The following RASEF variants were observed in gnomAD, a reference collection of about 807,000 sequenced individuals.
RASEF encodes RAS and EF-hand domain containing.
A neutral mutation model predicts 90.1 loss-of-function variants in RASEF; 68 were observed. That is an observed-to-expected ratio of 0.75 (90% CI 0.62 to 0.92). RASEF has a LOEUF of 0.92. Among genes scored for constraint, RASEF ranks in the 40% least tolerant of loss-of-function variants. The pLI is 0.00. For missense variants in RASEF, 949 were observed against 937.2 expected (o/e 1.01, Z -0.16); for synonymous variants, 331 against 345.2 (o/e 0.96, Z 0.46).
At chr9:83,136,380 A>G in the RASEF span, among the ~76,000 whole-genome samples, 1 of 152,124 alleles carries the variant, frequency 6.6e-6, no homozygotes, top group East Asian at 1.9e-4. Flanking sequence ...GAACACCTTT[A>G]ATGTAGAAAT....
the RASEF span, among the ~76,000 whole-genome samples, chr9:83,184,188 G>T: frequency 6.6e-6 from 1 of 152,314 alleles, no homozygotes; most frequent in South Asian, 2.1e-4. Context: ...CTAAGGTAGG[G>T]CTTGGGAGGG....
the RASEF span, among the ~76,000 whole-genome samples, chr9:83,071,042 C>T: frequency 6.6e-6 from 1 of 152,178 alleles, no homozygotes; most frequent in African/African-American, 2.4e-5. Context: ...TTTCTCCATA[C>T]ACAATTATGT....
At chr9:82,983,477 G>C (rs934122911) in intron 16 of RASEF, among the ~76,000 whole-genome samples, 1 of 152,042 alleles carries the variant, frequency 6.6e-6, no homozygotes, top group Non-Finnish European at 1.5e-5. Context: ...GTAGCCACTG[G>C]GGATGCTTGT....
chr9:83,175,435 C>A, the RASEF span, among the ~76,000 whole-genome samples: 2 of 152,098 alleles, frequency 1.3e-5, no homozygotes, highest in Non-Finnish European at 2.9e-5. Context: ...TGTTAACCAA[C>A]CTTGCATTCC....
the RASEF span, among the ~76,000 whole-genome samples, chr9:83,212,138 A>C: frequency 1.3e-5 from 2 of 152,350 alleles, no homozygotes; most frequent in Admixed American, 1.3e-4. Flanking sequence ...AATAACAACA[A>C]AATAATAACA....
intron 12 of RASEF, 22 bp downstream of exon 12, chr9:83,000,147 T>C: frequency 1.2e-6 from 2 of 1,606,502 alleles, no homozygotes; most frequent in Non-Finnish European, 1.7e-6. Flanking sequence ...TTTCCCATTA[T>C]CAACCGAAAT....
intron 4 of RASEF, among the ~76,000 whole-genome samples, chr9:83,012,745 C>T (rs1829271167): frequency 6.6e-6 from 1 of 152,182 alleles, no homozygotes; most frequent in African/African-American, 2.4e-5. Context: ...TTTTTGGAAA[C>T]AGCTGAAAAG....
intron 1 of RASEF, among the ~76,000 whole-genome samples, chr9:83,035,371 C>A (rs980765832): frequency 3.3e-5 from 5 of 152,094 alleles, no homozygotes; most frequent in Non-Finnish European, 7.4e-5. Flanking sequence ...CTGTGCTGAC[C>A]CGTTACCATC....
chr9:83,067,386 G>A (rs762896540), upstream of RASEF, among the ~76,000 whole-genome samples: 29 of 152,246 alleles, frequency 1.9e-4, no homozygotes, highest in African/African-American at 2.9e-4. Flanking sequence ...ATGTGTCAGC[G>A]TATATCATAG....
intron 3 of RASEF, among the ~76,000 whole-genome samples, chr9:83,017,322 A>T (rs1829359226): frequency 7.2e-6 from 1 of 138,396 alleles, no homozygotes; most frequent in African/African-American, 2.7e-5. Flanking sequence ...CGTCTCTACT[A>T]AAAAAAAAAA....
intron 1 of RASEF, among the ~76,000 whole-genome samples, chr9:83,044,399 G>A (rs1829892836): frequency 6.6e-6 from 1 of 152,050 alleles, no homozygotes; most frequent in Non-Finnish European, 1.5e-5. Context: ...ATGAAGAGTG[G>A]GATTGTAGGG....
chr9:83,034,507 G>A (rs919603804), intron 1 of RASEF, among the ~76,000 whole-genome samples: 7 of 152,158 alleles, frequency 4.6e-5, no homozygotes, highest in Non-Finnish European at 7.4e-5. Flanking sequence ...ATATTAAAAC[G>A]GAAATTCCCT....
At chr9:83,016,248 C>T (rs1163313678) in intron 3 of RASEF, among the ~76,000 whole-genome samples, 9 of 152,282 alleles carry the variant, frequency 5.9e-5, no homozygotes, top group Non-Finnish European at 1.0e-4. Context: ...GCACAGTGAC[C>T]GGAATCCTAT....
chr9:83,045,467 C>A (rs1384256201), intron 1 of RASEF, among the ~76,000 whole-genome samples: 1 of 152,228 alleles, frequency 6.6e-6, no homozygotes, highest in Non-Finnish European at 1.5e-5. Flanking sequence ...TAGCCAGGGT[C>A]ATTAGGACTC....
In RASEF at chr9:82,997,107, A is replaced by G. The variant is rs541863935; in HGVS notation, c.1825T>C (p.Ser609Pro). 1 of 1,607,432 alleles carries G rather than the reference A, an allele frequency of 6.2e-7. No homozygotes were observed. Among genetic ancestry groups the G allele is most frequent in the Admixed American group, 1.7e-5 (1 of 60,004 alleles). ...GQERFRSIAK[S>P]YFRKADGVLL... Reference sequence around the variant, plus strand: ...ACACCATCTGCCTTTCTGAAGTAAGACTTGGCAATACTTCTGAATCTGAGA... The same window carrying G: ...ACACCATCTGCCTTTCTGAAGTAAGGCTTGGCAATACTTCTGAATCTGAGA... The change falls in exon 14 of 17, where the codon TCT becomes CCT. Residue 609 changes from serine to proline, a missense_variant. Ser to Pro is a moderately conservative substitution (Grantham distance 74). Around this residue, in one of 3 missense-constraint regions of RASEF, gnomAD observed 288 missense variants for 328.4 expected, o/e 0.88. Coordinates refer to ENST00000376447, the MANE Select transcript of RASEF (RefSeq NM_152573.4).
In RASEF at chr9:83,000,020, CACACACACACACACACAT is replaced by C. The variant is rs1265998643; in HGVS notation, c.1723+131_1723+148del. On this transcript the variant is annotated intron_variant, in intron 12 of 16. Coordinates refer to ENST00000376447, the MANE Select transcript of RASEF (RefSeq NM_152573.4). ...ACACACACACACACACACACACACA[CACACACACACACACACAT>C]TTATATATGTGTGCATACACAGAGA... is the stretch of plus-strand genomic sequence containing the variant. The C allele has an allele frequency of 9.9e-4, 602 of 610,378 alleles. 4 individuals carry two copies. Among genetic ancestry groups the C allele is most frequent in the South Asian group, 6.3e-3 (296 of 47,352 alleles). The allele number at this position is 610,378 out of a possible 1,614,324, so 37.8% of individuals were successfully genotyped here.
At chr9:83,067,234 A>G (rs1357480750), upstream of RASEF, among the ~76,000 whole-genome samples, 1 of 152,160 alleles carries the variant, frequency 6.6e-6, no homozygotes, top group Non-Finnish European at 1.5e-5. Context: ...CATACCACTG[A>G]GGCACCCACT....
chr9:83,110,586 G>A, the RASEF span, among the ~76,000 whole-genome samples: 83 of 152,220 alleles, frequency 5.5e-4, no homozygotes, highest in Non-Finnish European at 1.1e-3. Context: ...AAGCTATGAG[G>A]CCCAGAGTGT....
chr9:83,211,579 T>G, the RASEF span, among the ~76,000 whole-genome samples: 1 of 152,222 alleles, frequency 6.6e-6, no homozygotes, highest in African/African-American at 2.4e-5. Flanking sequence ...GACTAGCTCA[T>G]CAAAGAGTGA....
Sources: gnomAD v4.1 joint callset for allele counts (sites outside exome capture counted in the v4.1 genomes callset) on GRCh38, gnomAD v4.1.1 for gene constraint, gnomAD v4.1.1 regional missense constraint, MANE v1.5 for transcripts, NCBI Gene and HGNC (gene_info 2026-07-23, HGNC 2026-07-21) for gene names.